Variants in DAPK1 observed in about 807,000 individuals in gnomAD.
The protein encoded by DAPK1 is death associated protein kinase 1, also known as death-associated protein kinase 1.
Under a neutral mutation model 144.9 loss-of-function variants are expected in DAPK1, and 56 were observed. The observed-to-expected ratio is 0.39, with a 90% confidence interval of 0.31 to 0.48. The LOEUF is 0.48. Among genes scored for constraint, DAPK1 ranks in the 20% least tolerant of loss-of-function variants. The pLI, the probability that DAPK1 is intolerant of heterozygous loss-of-function variation, is 0.95. For missense variants in DAPK1, 1,454 were observed against 1,875.4 expected, an observed-to-expected ratio of 0.78 and a Z score of 4.15; for synonymous variants, 690 against 749.0, an observed-to-expected ratio of 0.92 and a Z score of 1.29.
intron 21 of DAPK1, among the ~76,000 whole-genome samples, chr9:87,694,067 G>T (rs1825173116): frequency 6.6e-6 from 1 of 152,166 alleles, no homozygotes; most frequent in Admixed American, 6.5e-5. Context: ...TTGCTCAAGT[G>T]CTGGTAGTAG....
At chr9:87,604,909 GTTTT>G (rs750585992) in intron 2 of DAPK1, 41 bp from the exon 3 acceptor site, 8 of 1,579,874 alleles carry the variant, frequency 5.1e-6, no homozygotes, top group African/African-American at 2.7e-5. Flanking sequence ...CTCAAATCCT[GTTTT>G]TTTTATGAAC....
chr9:87,595,709 C>T (rs1828290780), intron 2 of DAPK1, among the ~76,000 whole-genome samples: 1 of 152,190 alleles, frequency 6.6e-6, no homozygotes, highest in African/African-American at 2.4e-5. Flanking sequence ...AGGATGCTTT[C>T]GCCAAGGGAC....
At chr9:87,643,979 C>T (rs1044370166) in intron 11 of DAPK1, among the ~76,000 whole-genome samples, 1 of 152,150 alleles carries the variant, frequency 6.6e-6, no homozygotes, top group Non-Finnish European at 1.5e-5. Flanking sequence ...GAATGCAGTG[C>T]TGCTTGCTGA....
At chr9:87,610,499 C>T (rs1015477) in intron 3 of DAPK1, among the ~76,000 whole-genome samples, 1 of 152,098 alleles carries the variant, frequency 6.6e-6, no homozygotes, top group African/African-American at 2.4e-5. Flanking sequence ...GGCATTGTTC[C>T]TCAGCAGCCC....
intron 17 of DAPK1, among the ~76,000 whole-genome samples, chr9:87,654,294 G>A (rs528562306): frequency 3.3e-5 from 5 of 152,198 alleles, no homozygotes; most frequent in East Asian, 1.9e-4. Flanking sequence ...ATGCCATTAC[G>A]ATTATGCTAA....
chr9:87,532,931 A>G (rs1029977040), intron 2 of DAPK1, among the ~76,000 whole-genome samples: 3 of 152,214 alleles, frequency 2.0e-5, no homozygotes, highest in Non-Finnish European at 4.4e-5. Flanking sequence ...ATTTCAGAAT[A>G]AGTTACAGAT....
intron 3 of DAPK1, among the ~76,000 whole-genome samples, chr9:87,617,917 T>C (rs1011521941): frequency 6.6e-6 from 1 of 152,352 alleles, no homozygotes; most frequent in East Asian, 1.9e-4. Flanking sequence ...CTTGGAGCTC[T>C]CCTTGCTTCA....
At chr9:87,696,731 T>TCCC (rs1825273052) in intron 21 of DAPK1, among the ~76,000 whole-genome samples, 2 of 152,010 alleles carry the variant, frequency 1.3e-5, no homozygotes, top group African/African-American at 2.4e-5. Context: ...CACTCACTCC[T>TCCC]TCCCACCAGC....
intron 2 of DAPK1, among the ~76,000 whole-genome samples, chr9:87,556,556 T>TTG (rs1826723354): frequency 6.6e-6 from 1 of 151,426 alleles, no homozygotes; most frequent in East Asian, 2.0e-4. Context: ...TCAGGAGGAG[T>TTG]GCGGGGGATT....
chr9:87,621,366 G>A (rs1018146992), intron 3 of DAPK1, among the ~76,000 whole-genome samples: 1 of 152,188 alleles, frequency 6.6e-6, no homozygotes, highest in African/African-American at 2.4e-5. Context: ...TGTCAGGCTC[G>A]GCCATTGCAC....
chr9:87,555,737 A>G (rs1361895731), intron 2 of DAPK1, among the ~76,000 whole-genome samples: 1 of 152,222 alleles, frequency 6.6e-6, no homozygotes, highest in Non-Finnish European at 1.5e-5. Context: ...TCCCGACCTC[A>G]GGTGATCTGC....
At chr9:87,633,216 T>A (rs1439493056) in intron 3 of DAPK1, 1 of 983,880 alleles carries the variant, frequency 1.0e-6, no homozygotes, top group Non-Finnish European at 1.2e-6. Context: ...GGAGATTGAG[T>A]ACATATGTAG....
intron 2 of DAPK1, among the ~76,000 whole-genome samples, chr9:87,547,138 C>T (rs1826278855): frequency 6.6e-6 from 1 of 152,142 alleles, no homozygotes; most frequent in African/African-American, 2.4e-5. Flanking sequence ...GCCTGGGTGA[C>T]AGAGCCAGAC....
intron 17 of DAPK1, among the ~76,000 whole-genome samples, chr9:87,653,189 C>T (rs200961203): frequency 6.7e-6 from 1 of 148,190 alleles, no homozygotes; most frequent in Admixed American, 6.7e-5. Context: ...CTGTGTCCAT[C>T]CCCCCGATCC....
chr9:87,689,567 G>GT (rs1251353171), intron 21 of DAPK1, among the ~76,000 whole-genome samples: 4 of 152,154 alleles, frequency 2.6e-5, no homozygotes, highest in African/African-American at 9.6e-5. Context: ...TGCTTTTGAG[G>GT]TTTTATCCAC....
chr9:87,634,101 TAA>T lies in DAPK1; in HGVS notation c.285-3841_285-3840del, dbSNP rs1829802927. 3.3e-5 allele frequency among the ~76,000 whole-genome samples: 5 copies of T among 152,380 alleles called. No homozygotes were observed. In the South Asian group the frequency reaches 1.0e-3, roughly 32 times the overall value. On this transcript the variant is annotated intron_variant, in intron 3 of 25. Transcript: ENST00000408954. Reference sequence around the variant, plus strand: ...CAAACCCAGGTTGCCACCTATTTTTTAACTAAAGTTTTATTGGAACACAGCCA... The same window carrying T: ...CAAACCCAGGTTGCCACCTATTTTTTCTAAAGTTTTATTGGAACACAGCCA...
chr9:87,649,467 G>A (rs1285438543), intron 15 of DAPK1, among the ~76,000 whole-genome samples: 1 of 152,190 alleles, frequency 6.6e-6, no homozygotes, highest in Admixed American at 6.5e-5. Flanking sequence ...AAAGCTAGAG[G>A]CATTAAGGTT....
intron 2 of DAPK1, among the ~76,000 whole-genome samples, chr9:87,584,901 T>C (rs1347031540): frequency 6.6e-6 from 1 of 152,170 alleles, no homozygotes; most frequent in Non-Finnish European, 1.5e-5. Context: ...GGCCTCGAAC[T>C]CCTGACCTCA....
chr9:87,674,345 T>G (rs1374183918), intron 19 of DAPK1, among the ~76,000 whole-genome samples: 2 of 151,302 alleles, frequency 1.3e-5, no homozygotes, highest in Admixed American at 1.3e-4. Context: ...CAAAAAAAAT[T>G]AAAATTAAAA....
Sources: allele counts gnomAD v4.1 joint callset (sites outside exome capture counted in the v4.1 genomes callset), GRCh38; gene constraint gnomAD v4.1.1; transcripts MANE v1.5; gene names NCBI Gene and HGNC (gene_info 2026-07-23, HGNC 2026-07-21).